The following DHX57 variants were observed in gnomAD, a reference collection of about 807,000 sequenced individuals.
The protein encoded by DHX57 is DExH-box helicase 57.
DHX57 carries 105 observed loss-of-function variants against 156.2 expected under a neutral mutation model. That is an observed-to-expected ratio of 0.67 (90% confidence interval 0.57 to 0.79). The LOEUF is 0.79. Among genes scored for constraint, DHX57 ranks in the 30% least tolerant of loss-of-function variants. The pLI is 0.00. For missense variants in DHX57, 1,847 were observed against 1,661.9 expected (o/e 1.11, Z -1.94); for synonymous variants, 704 against 595.6 (o/e 1.18, Z -2.65).
chr2:38,813,321 T>C (rs1203363334), intron 21 of DHX57, among the ~76,000 whole-genome samples: 1 of 152,134 alleles, frequency 6.6e-6, no homozygotes, highest in African/African-American at 2.4e-5. Context: ...AATGTGTTAT[T>C]GAATAATGTA....
In DHX57 at chr2:38,815,493, A is replaced by G. The variant is rs190142540; in HGVS notation, c.3606+28T>C. 5.8e-5 allele frequency: 94 copies of G among 1,613,490 alleles called. 1 individual carries two copies. The African/African-American group carries it at 1.2e-3, about 20-fold the overall frequency. On this transcript the variant is annotated intron_variant, in intron 20 of 23. Coordinates refer to ENST00000457308, the MANE Select transcript of DHX57 (RefSeq NM_198963.3). ...TTGTATTTAGGTGCTAATTAAAGAG[A>G]AATGAGAACCAACTCCACATTCTTT...
chr2:38,864,285 C>T (rs938941911), intron 2 of DHX57, among the ~76,000 whole-genome samples: 3 of 150,420 alleles, frequency 2.0e-5, no homozygotes, highest in African/African-American at 7.3e-5. Flanking sequence ...TGGCTCACAC[C>T]TGTAATTCCA....
intron 20 of DHX57, 131 bp downstream of exon 20, chr2:38,815,390 G>T: frequency 8.2e-7 from 1 of 1,219,372 alleles, no homozygotes; most frequent in Non-Finnish European, 1.2e-6. Flanking sequence ...GTGCGAAGCA[G>T]AAAATCAAGA....
chr2:38,827,617 C>A (rs192063686), intron 14 of DHX57, among the ~76,000 whole-genome samples: 1 of 147,144 alleles, frequency 6.8e-6, no homozygotes, highest in Non-Finnish European at 1.5e-5. Flanking sequence ...AATGATGTAA[C>A]CTCAGAAACT....
chr2:38,839,590 GGGT>G (rs1020417968), intron 12 of DHX57, among the ~76,000 whole-genome samples: 26 of 151,606 alleles, frequency 1.7e-4, no homozygotes, highest in Non-Finnish European at 1.8e-4. Context: ...GCATGGTGGT[GGGT>G]GCCTGTAATC....
chr2:38,807,302 G>A (rs1439245629), intron 21 of DHX57, among the ~76,000 whole-genome samples: 1 of 152,046 alleles, frequency 6.6e-6, no homozygotes, highest in African/African-American at 2.4e-5. Flanking sequence ...CGATCTGCCT[G>A]CCTCGGCCTC....
intron 1 of DHX57, among the ~76,000 whole-genome samples, chr2:38,871,892 T>C (rs1037676884): frequency 2.0e-5 from 3 of 152,094 alleles, no homozygotes; most frequent in African/African-American, 7.2e-5. Context: ...GTATTTTTAG[T>C]AGAGACAGGG....
In DHX57 at chr2:38,847,019, C is replaced by G. The variant is rs778102683; in HGVS notation, c.2219G>C (p.Arg740Thr). The change falls in exon 11 of 24, where the codon AGG (arginine) becomes ACG (threonine). Residue 740 changes from arginine (R) to threonine (T), a missense_variant and splice_region_variant. Coordinates refer to ENST00000457308, the MANE Select transcript of DHX57 (RefSeq NM_198963.3). ...FFLEDAIAVTRYVLQDGSPYM... is the reference protein window; with the variant it reads ...FFLEDAIAVTTYVLQDGSPYM... ...GAATCTTAATTAATATCTTCCTTAC[C>G]TTGTCACAGCAATTGCATCTTCCAA... 3.7e-6 allele frequency: 6 copies of G among 1,612,118 alleles called. No homozygotes were observed. Among genetic ancestry groups the G allele is most frequent in the Non-Finnish European group, 5.1e-6 (6 of 1,178,452 alleles).
rs1335290768 is a variant in DHX57 at position 38,798,565 on chromosome 2, G to A, written c.4018-123C>T. ...TCTGGTACTAATTTTAACTCCATTAGGAGCAAAAACCCTAAATACATTTTC... is the reference window on the plus strand; with the variant it reads ...TCTGGTACTAATTTTAACTCCATTAAGAGCAAAAACCCTAAATACATTTTC... On this transcript the variant is annotated intron_variant, in intron 23 of 23. Coordinates refer to ENST00000457308, the MANE Select transcript of DHX57 (RefSeq NM_198963.3). 8 of 1,143,328 alleles carry A rather than the reference G, an allele frequency of 7.0e-6. No individual in the cohort carries two copies. In the East Asian group the frequency reaches 2.1e-4, roughly 29 times the overall value. 70.8% of individuals were successfully genotyped at this position (1,143,328 alleles called of 1,614,324 possible). A position where few individuals can be genotyped will look rare whatever the true frequency, so the allele number is the denominator to read the frequency against.
intron 12 of DHX57, among the ~76,000 whole-genome samples, chr2:38,841,711 G>A (rs1022192749): frequency 9.2e-5 from 14 of 152,164 alleles, no homozygotes; most frequent in African/African-American, 3.4e-4. Context: ...GAGCAAGAAG[G>A]ACAGCTGAGA....
At chr2:38,801,835 G>C (rs569324074) in intron 23 of DHX57, among the ~76,000 whole-genome samples, 6 of 152,248 alleles carry the variant, frequency 3.9e-5, no homozygotes, top group Admixed American at 2.6e-4. Context: ...GACCTCAGGT[G>C]ATCTGCCCAC....
In DHX57 at chr2:38,843,204, T is replaced by C. The variant is rs2124878455; in HGVS notation, c.2226A>G (p.Val742=). 1.2e-6 allele frequency: 2 copies of C among 1,613,944 alleles called. No individual in the cohort carries two copies. Among genetic ancestry groups the C allele is most frequent in the Non-Finnish European group, 1.7e-6 (2 of 1,179,962 alleles). The change falls in exon 12 of 24, where the codon GTA becomes GTG. Residue 742 remains valine (V), a synonymous_variant. Coordinates refer to ENST00000457308, the MANE Select transcript of DHX57 (RefSeq NM_198963.3). The part of the protein sequence containing the change: ...LEDAIAVTRY[V]LQDGSPYMRS... ...GCATATATGGGCTCCCATCCTGTAA[T>C]ACATACCTGAGAAAGACAAAGGAAT... is the stretch of plus-strand genomic sequence containing the variant.
At position 38,815,654 on chromosome 2, in the gene DHX57, T is replaced by G. The variant is rs758003708; in HGVS notation, c.3473A>C (p.Glu1158Ala). Residue 1158 changes from glutamate (E) to alanine (A), a missense_variant and splice_region_variant, in exon 20 of 24, where the codon GAA (glutamate) becomes GCA (alanine). Transcript: ENST00000457308. ...GAATTGTCGTTTGAGGCTGGCCATTTCCTGAAAGAAGTGGAAAAACCTTTA... is the reference window on the plus strand; with the variant it reads ...GAATTGTCGTTTGAGGCTGGCCATTGCCTGAAAGAAGTGGAAAAACCTTTA... ...QNFLSGRVLQ[E>A]MASLKRQFTE... The G allele has an allele frequency of 1.9e-6, 3 of 1,614,006 alleles. No homozygotes were observed. Among genetic ancestry groups the G allele is most frequent in the African/African-American group, 1.3e-5 (1 of 74,914 alleles).
intron 19 of DHX57, among the ~76,000 whole-genome samples, chr2:38,818,075 G>C (rs1312737702): frequency 6.6e-6 from 1 of 152,154 alleles, no homozygotes; most frequent in East Asian, 1.9e-4. Context: ...TTCAGTATTA[G>C]TTCTTTGGTT....
Position 38,812,852 on chromosome 2 carries a change from G to GTTTGTTTA in DHX57, c.3681+968_3681+969insTAAACAAA, listed in dbSNP as rs1553323021. 2.2e-3 allele frequency among the ~76,000 whole-genome samples: 330 copies of GTTTGTTTA among 151,186 alleles called. 3 individuals are homozygous for GTTTGTTTA. Among genetic ancestry groups the GTTTGTTTA allele is most frequent in the African/African-American group, 5.6e-3 (229 of 40,988 alleles). ...CTGTCCCTTATTTACTTGTTTGTTT[G>GTTTGTTTA]TTTGTTTGTTTTTGAGACAGAGTCT... On this transcript the variant is annotated intron_variant, in intron 21 of 23. Coordinates refer to ENST00000457308, the MANE Select transcript of DHX57 (RefSeq NM_198963.3).
intron 13 of DHX57, among the ~76,000 whole-genome samples, chr2:38,831,583 G>A (rs928063785): frequency 3.9e-5 from 6 of 152,002 alleles, no homozygotes; most frequent in South Asian, 2.1e-4. Flanking sequence ...GGCTGGGCAT[G>A]GTGGCTCACG....
rs189298843 is a variant in DHX57, at chr2:38,832,259, G to T, written c.2543-3823C>A. ...ATTCAATACCAGCTTGGCCAACACT[G>T]TGAAACCCCGTCTCTACTAAAAATA... On this transcript the variant is annotated intron_variant, in intron 13 of 23. Transcript: ENST00000457308. Among the ~76,000 whole-genome samples, 529 of 152,110 alleles carry T rather than the reference G, an allele frequency of 3.5e-3. 16 individuals are homozygous for T. Among genetic ancestry groups the T allele is most frequent in the Admixed American group, 0.032 (487 of 15,270 alleles).
At chr2:38,871,999 C>T (rs764181369) in intron 1 of DHX57, among the ~76,000 whole-genome samples, 36 of 152,284 alleles carry the variant, frequency 2.4e-4, no homozygotes, top group African/African-American at 6.5e-4. Flanking sequence ...TGAGCCACCG[C>T]GCCCGGCCTA....
intron 9 of DHX57, 95 bp from the exon 10 acceptor site, chr2:38,848,497 T>C: frequency 7.7e-7 from 1 of 1,299,476 alleles, no homozygotes; most frequent in Non-Finnish European, 1.0e-6. Context: ...ATGTGTAAGA[T>C]CTCTGTGAAA....
Sources: allele counts gnomAD v4.1 joint callset (sites outside exome capture counted in the v4.1 genomes callset), GRCh38; gene constraint gnomAD v4.1.1; transcripts MANE v1.5; gene names NCBI Gene and HGNC (gene_info 2026-07-23, HGNC 2026-07-21).